The following NBPF11 variants were observed in gnomAD, a reference collection of about 807,000 sequenced individuals.
The protein encoded by NBPF11 is NBPF member 11.
In NBPF11, 72 loss-of-function variants were observed where a neutral mutation model predicts 93.9. The observed-to-expected ratio is 0.77, with a 90% confidence interval of 0.63 to 0.93. NBPF11 has a LOEUF of 0.93. Ranked by LOEUF, NBPF11 falls within the 40% of genes least tolerant of loss-of-function variation. The pLI, the probability that NBPF11 is intolerant of heterozygous loss-of-function variation, is 0.00. For synonymous variants in NBPF11, 224 were observed against 304.9 expected, an observed-to-expected ratio of 0.73 and a Z score of 2.76; for missense variants, 705 against 802.2, an observed-to-expected ratio of 0.88 and a Z score of 1.46.
At position 148,122,188 on chromosome 1, in the gene NBPF11, G is replaced by A. The variant is rs1668030118; in HGVS notation, c.645C>T (p.His215=). 92 of 1,612,580 alleles carry A rather than the reference G, an allele frequency of 5.7e-5. No homozygotes were observed. Among genetic ancestry groups the A allele is most frequent in the Middle Eastern group, 1.8e-4 (1 of 5,490 alleles). ...EECAITCSNS[H]GPCDSIQPHK... is the part of the protein sequence containing the mutation. The stretch of plus-strand genomic sequence containing the variant: ...GAGGCTGGATGGAGTCACAAGGGCC[G>A]TGGCTATTTGAACAAGTGATGGCAC... Residue 215 remains histidine (H), a synonymous_variant, in exon 9 of 24, where the codon CAC becomes CAT. Coordinates refer to ENST00000682118, the MANE Select transcript of NBPF11 (RefSeq NM_001385469.3).
intron 1 of NBPF11, among the ~76,000 whole-genome samples, chr1:148,144,310 G>T (rs1247148374): frequency 2.7e-5 from 4 of 149,548 alleles, no homozygotes; most frequent in African/African-American, 7.5e-5. Flanking sequence ...CACATACAAA[G>T]GTTTATTTTT....
rs1156972994 is a variant in NBPF11, at chr1:148,134,682, G to A, written c.-36+990C>T. 4.8e-3 allele frequency among the ~76,000 whole-genome samples: 726 copies of A among 151,566 alleles called. 9 individuals carry two copies. The highest frequency in any genetic ancestry group is 0.017 in the African/African-American group (708 of 41,042). On this transcript the variant is annotated intron_variant, in intron 4 of 23. Coordinates refer to ENST00000682118, the MANE Select transcript of NBPF11 (RefSeq NM_001385469.3). ...TGTTCCAACAGTTGTATTATAAAGG[G>A]CCAGTTTATTTCATGCCTTTCTAAT...
intron 1 of NBPF11, chr1:148,146,849 C>A: frequency 2.5e-6 from 4 of 1,613,828 alleles, no homozygotes; most frequent in Admixed American, 3.3e-5. Flanking sequence ...GGCTACGGTG[C>A]CAGCTCGGGC....
chr1:148,118,612 C>A lies in NBPF11; in HGVS notation c.1091+8G>T. The A allele has an allele frequency of 6.2e-7, 1 of 1,600,846 alleles. No homozygotes were observed. The highest frequency in any genetic ancestry group is 8.5e-7 in the Non-Finnish European group (1 of 1,169,808). On this transcript the variant is annotated splice_region_variant and intron_variant, in intron 11 of 23. Transcript: ENST00000682118. ...GCCCCCCTGCCTGCCCCCATGGGGT[C>A]CCCTCACCTGAGCTCCTCAGCTTGC...
chr1:148,149,337 C>T lies in NBPF11; in HGVS notation c.-549+2413G>A, dbSNP rs1270081350. 3.8e-6 allele frequency: 6 copies of T among 1,597,188 alleles called. No homozygotes were observed. In the Admixed American group the frequency reaches 1.0e-4, roughly 27 times the overall value. ...AAGACCTACTGCTTCGACGCCTTCCCTAACATCGAGAAGGTGTCCAAGATC... is the reference window on the plus strand; with the variant it reads ...AAGACCTACTGCTTCGACGCCTTCCTTAACATCGAGAAGGTGTCCAAGATC... On this transcript the variant is annotated intron_variant, in intron 1 of 23. Transcript: ENST00000682118.
At chr1:148,134,660 T>C (rs1670973332) in intron 4 of NBPF11, among the ~76,000 whole-genome samples, 1 of 151,464 alleles carries the variant, frequency 6.6e-6, no homozygotes, top group Non-Finnish European at 1.5e-5. Flanking sequence ...CAACTGTTGT[T>C]CCAACAGTTG....
At chr1:148,147,834 C>T (rs1426812534) in intron 1 of NBPF11, among the ~76,000 whole-genome samples, 1 of 152,042 alleles carries the variant, frequency 6.6e-6, no homozygotes, top group Non-Finnish European at 1.5e-5. Flanking sequence ...TTCCTCGGCC[C>T]CTCCTGTCTC....
rs1663300018 is a variant in NBPF11 at position 148,105,371 on chromosome 1, AG to A, written c.2460del (p.Leu821Ter). 2.3e-6 allele frequency: 2 copies of A among 860,308 alleles called. No homozygotes were observed. Among genetic ancestry groups the A allele is most frequent in the Non-Finnish European group, 4.0e-6 (2 of 502,332 alleles). 53.3% of individuals were successfully genotyped at this position (860,308 alleles called of 1,614,324 possible). A position where few individuals can be genotyped will look rare whatever the true frequency, so the allele number is the denominator to read the frequency against. ...MHWRKNMLAF[L>X]LTWEKLKRRG... ...AGAAAGGTACTCACCTCCCACGTCA[AG>A]AGAAAAGCCAACATGTTTTTCCTCC... On this transcript the variant is annotated frameshift_variant, in exon 22 of 24. Transcript: ENST00000682118. LOFTEE classifies it high-confidence loss of function.
In NBPF11 at chr1:148,122,770, T is replaced by C; in HGVS notation, c.525A>G (p.Gln175=). 6.2e-7 allele frequency: 1 copy of C among 1,610,004 alleles called. No homozygotes were observed. Among genetic ancestry groups the C allele is most frequent in the South Asian group, 1.1e-5 (1 of 90,938 alleles). The change falls in exon 8 of 24, where the codon CAA becomes CAG. Residue 175 remains glutamine, a synonymous_variant. Transcript: ENST00000682118. ...CCAGTACTTTCTCATCCTCCTCAAC[T>C]TGAACATCTTCATCCTCATCTTCGT... ...ENDEDEDEDV[Q]VEEDEKVLES... is the part of the protein sequence containing the mutation.
intron 2 of NBPF11, among the ~76,000 whole-genome samples, chr1:148,140,174 A>G (rs1443437722): frequency 1.3e-5 from 2 of 152,042 alleles, no homozygotes; most frequent in African/African-American, 4.8e-5. Flanking sequence ...GACAATTTAA[A>G]ACAGCAAAGA....
In NBPF11 at chr1:148,144,841, A is replaced by G. The variant is rs1324051070; in HGVS notation, c.-548-1155T>C. 2.5e-4 allele frequency among the ~76,000 whole-genome samples: 38 copies of G among 151,654 alleles called. 2 individuals are homozygous for G. Among genetic ancestry groups the G allele is most frequent in the African/African-American group, 8.5e-4 (35 of 41,102 alleles). ...AAAAATTAGCTGGGCATGGTGGTGC[A>G]TGCCGTAATCCCAGCACTTTGGGAG... On this transcript the variant is annotated intron_variant, in intron 1 of 23. Coordinates refer to ENST00000682118, the MANE Select transcript of NBPF11 (RefSeq NM_001385469.3).
intron 15 of NBPF11, among the ~76,000 whole-genome samples, chr1:148,111,685 G>T (rs1293295494): frequency 6.6e-6 from 1 of 151,592 alleles, no homozygotes; most frequent in Admixed American, 6.6e-5. Flanking sequence ...GAAATGAAGC[G>T]AGAAGAGAAA....
chr1:148,142,022 AAGGAAGGGAGGG>A (rs1342946684), intron 2 of NBPF11, among the ~76,000 whole-genome samples: 5 of 113,526 alleles, frequency 4.4e-5, no homozygotes, highest in Non-Finnish European at 9.4e-5. Context: ...GGGAGGAAGG[AAGGAAGGGAGGG>A]AGGAAGGAAG....
intron 1 of NBPF11, among the ~76,000 whole-genome samples, chr1:148,151,102 A>T (rs1319837775): frequency 1.3e-5 from 2 of 151,932 alleles, no homozygotes; most frequent in East Asian, 3.9e-4. Context: ...TGATCTAAGA[A>T]GCCTCAAAGA....
In NBPF11 at chr1:148,120,538, T is replaced by C; in HGVS notation, c.951A>G (p.Gln317=). The C allele has an allele frequency of 1.0e-6, 1 of 994,606 alleles. No homozygotes were observed. The highest frequency in any genetic ancestry group is 1.3e-5 in the South Asian group (1 of 78,892). The allele number at this position is 994,606 out of a possible 1,614,324, so 61.6% of individuals were successfully genotyped here. Residue 317 remains glutamine (Q), a synonymous_variant, in exon 10 of 24, where the codon CAA becomes CAG. Coordinates refer to ENST00000682118, the MANE Select transcript of NBPF11 (RefSeq NM_001385469.3). ...RSLKEKCFVT[Q]VACFLAKQQN... is the part of the protein sequence containing the mutation. ...GCTGCTTGGCCAGGAAGCAGGCCAC[T>C]TGAGTTACAAAACATTTCTCTTTGA...
chr1:148,103,990 C>T lies in NBPF11; in HGVS notation c.2582-78G>A. ...GAGCCCCACTAGATTTCAGAAGTAA[C>T]ATAAGGAAGTGGTTGGAAAAGAAAA... On this transcript the variant is annotated intron_variant, in intron 23 of 23. Coordinates refer to ENST00000682118, the MANE Select transcript of NBPF11 (RefSeq NM_001385469.3). The T allele has an allele frequency of 1.9e-6, 3 of 1,608,730 alleles. No homozygotes were observed. The South Asian group carries it at 3.3e-5, about 18-fold the overall frequency.
At chr1:148,135,853 G>A in intron 3 of NBPF11, 40 bp from the exon 4 acceptor site, 1 of 768,078 alleles carries the variant, frequency 1.3e-6, no homozygotes, top group Non-Finnish European at 2.2e-6. Context: ...CCTCCCCAGA[G>A]GAAAAGGTTT....
intron 4 of NBPF11, among the ~76,000 whole-genome samples, chr1:148,134,780 A>G (rs1251778863): frequency 2.0e-5 from 3 of 152,056 alleles, no homozygotes; most frequent in African/African-American, 7.3e-5. Context: ...GTACACAGAG[A>G]CTGCCAGGCT....
rs1378331743 is a variant in NBPF11, at chr1:148,103,587, G to T, written c.*309C>A. 4.4e-6 allele frequency: 7 copies of T among 1,607,446 alleles called. No individual in the cohort carries two copies. The highest frequency in any genetic ancestry group is 2.2e-5 in the East Asian group (1 of 44,822). ...CCATCCTATGTCTGGGCTTCCAAAT[G>T]GAACTATAGTTTCATTCAAATCTTC... On this transcript the variant is annotated 3_prime_UTR_variant, in exon 24 of 24. Transcript: ENST00000682118.
Sources: allele counts gnomAD v4.1 joint callset (sites outside exome capture counted in the v4.1 genomes callset), GRCh38; gene constraint gnomAD v4.1.1; transcripts MANE v1.5; gene names NCBI Gene and HGNC (gene_info 2026-07-23, HGNC 2026-07-21).